Variants in SPEF2 observed in about 807,000 individuals in gnomAD.
The protein encoded by SPEF2 is sperm flagella and cilia-associated protein 2.
SPEF2 carries 187 observed loss-of-function variants against 224.6 expected under a neutral mutation model. The ratio of observed to expected loss-of-function variants is 0.83; its 90% CI spans 0.74 to 0.94. The LOEUF (loss-of-function observed/expected upper bound fraction) is 0.94. Among genes scored for constraint, SPEF2 ranks in the 40% least tolerant of loss-of-function variants. SPEF2 has a pLI of 0.00. For missense variants in SPEF2, 2,170 were observed against 2,135.6 expected, an observed-to-expected ratio of 1.02 and a Z score of -0.32; for synonymous variants, 715 against 707.3, an observed-to-expected ratio of 1.01 and a Z score of -0.17.
At chr5:35,730,598 A>C (rs571898214) in intron 21 of SPEF2, among the ~76,000 whole-genome samples, 1 of 152,336 alleles carries the variant, frequency 6.6e-6, no homozygotes, top group African/African-American at 2.4e-5. Flanking sequence ...TGACAATTTC[A>C]ACGTTCAAAA....
intron 23 of SPEF2, among the ~76,000 whole-genome samples, chr5:35,752,804 A>G (rs980608211): frequency 6.6e-6 from 1 of 151,894 alleles, no homozygotes; most frequent in African/African-American, 2.4e-5. Context: ...TAATAATACT[A>G]CCTAGCTTAA....
intron 10 of SPEF2, among the ~76,000 whole-genome samples, chr5:35,676,526 C>T (rs948627551): frequency 4.6e-5 from 7 of 151,984 alleles, no homozygotes; most frequent in African/African-American, 1.7e-4. Flanking sequence ...GTCAGGAGTT[C>T]GAGACCAGCC....
At chr5:35,697,844 C>A in intron 15 of SPEF2, 51 bp downstream of exon 15, 2 of 1,309,266 alleles carry the variant, frequency 1.5e-6, no homozygotes, top group Non-Finnish European at 2.2e-6. Flanking sequence ...TTCTTTATCA[C>A]ACAAAGATGT....
In SPEF2 at chr5:35,709,110, A is replaced by G. The variant is rs756550654; in HGVS notation, c.2828A>G (p.Lys943Arg). ...VASKTPTAKG[K>R]PQSEAPHGKQ... is the part of the protein sequence containing the mutation. Reference sequence around the variant, plus strand: ...TCAAAAACTCCTACTGCAAAAGGAAAACCTCAATCAGGTGATTGACAGAAT... The same window carrying G: ...TCAAAAACTCCTACTGCAAAAGGAAGACCTCAATCAGGTGATTGACAGAAT... Residue 943 changes from lysine (K) to arginine (R), a missense_variant, in exon 19 of 37, where the codon AAA becomes AGA. Coordinates refer to ENST00000356031, the MANE Select transcript of SPEF2 (RefSeq NM_024867.4). 111 of 1,611,802 alleles carry G rather than the reference A, an allele frequency of 6.9e-5. No homozygotes were observed. The highest frequency in any genetic ancestry group is 8.9e-5 in the Non-Finnish European group (105 of 1,179,604).
chr5:35,673,240 T>G (rs1468932932), intron 10 of SPEF2, among the ~76,000 whole-genome samples: 1 of 152,168 alleles, frequency 6.6e-6, no homozygotes, highest in Non-Finnish European at 1.5e-5. Flanking sequence ...CTGGTTCCTG[T>G]AGTGCAGCTG....
Position 35,792,409 on chromosome 5 carries a change from A to G in SPEF2, c.4517A>G (p.Asn1506Ser), listed in dbSNP as rs769123567. The change falls in exon 31 of 37, where the codon AAC (asparagine) becomes AGC (serine). Residue 1506 changes from asparagine to serine, a missense_variant. Coordinates refer to ENST00000356031, the MANE Select transcript of SPEF2 (RefSeq NM_024867.4). ...DLVTLNLGTN[N>S]FPSNWMHLTQ... ...GTGACCCTGAACCTTGGCACAAACA[A>G]CTTTCCTAGTAATTGGATGCACCTT... 1.9e-6 allele frequency: 3 copies of G among 1,613,686 alleles called. No homozygotes were observed. The African/African-American group carries it at 4.0e-5, about 22-fold the overall frequency.
chr5:35,739,681 C>T lies in SPEF2; in HGVS notation c.3064-238C>T, dbSNP rs898184312. Among the ~76,000 whole-genome samples the T allele has an allele frequency of 4.3e-4, 65 of 152,062 alleles. 1 individual carries two copies. Among genetic ancestry groups the T allele is most frequent in the Admixed American group, 4.3e-3 (65 of 15,256 alleles). ...CAGGCATGAGCCACCACCACGACCG[C>T]CCGCCCCCAATTTCTGGAATAAATA... On this transcript the variant is annotated intron_variant, in intron 21 of 36. Transcript: ENST00000356031.
At chr5:35,734,380 C>A (rs1184867551) in intron 21 of SPEF2, among the ~76,000 whole-genome samples, 1 of 152,144 alleles carries the variant, frequency 6.6e-6, no homozygotes, top group African/African-American at 2.4e-5. Context: ...TTTGGCTTCC[C>A]CGGGCCACAA....
In SPEF2 at chr5:35,788,090, G is replaced by A. The variant is rs1424004047; in HGVS notation, c.4448-4250G>A. The A allele has an allele frequency of 2.6e-5, 18 of 702,792 alleles. No individual in the cohort carries two copies. The South Asian group carries it at 2.7e-4, about 10-fold the overall frequency. 43.5% of individuals were successfully genotyped at this position (702,792 alleles called of 1,614,324 possible). On this transcript the variant is annotated intron_variant, in intron 30 of 36. Coordinates refer to ENST00000356031, the MANE Select transcript of SPEF2 (RefSeq NM_024867.4). ...TCAAGTGAATTTTTTTTATGGTACT[G>A]ACAACTTTAGGACTGAATTTCTCAA... is the stretch of plus-strand genomic sequence containing the variant.
intron 16 of SPEF2, among the ~76,000 whole-genome samples, chr5:35,703,211 T>A (rs1739046088): frequency 6.6e-6 from 1 of 152,086 alleles, no homozygotes; most frequent in African/African-American, 2.4e-5. Context: ...GAATAAAGGT[T>A]GTGTATTTTT....
intron 16 of SPEF2, among the ~76,000 whole-genome samples, chr5:35,701,605 G>T (rs930394847): frequency 1.3e-5 from 2 of 152,140 alleles, no homozygotes; most frequent in African/African-American, 4.8e-5. Context: ...TTCTATAGGG[G>T]TCTGTGCCTC....
chr5:35,779,296 T>A lies in SPEF2; in HGVS notation c.4397T>A (p.Ile1466Asn). 1 of 1,613,794 alleles carries A rather than the reference T, an allele frequency of 6.2e-7. No individual in the cohort carries two copies. Among genetic ancestry groups the A allele is most frequent in the Middle Eastern group, 1.7e-4 (1 of 6,058 alleles). ...VEKEEDGTLT[I>N]EQLDSLRDQF... is the part of the protein sequence containing the mutation. ...AAGGAAGAAGATGGTACCCTGACCATTGAACAGCTTGACAGTCTTCGAGAT... is the reference window on the plus strand; with the variant it reads ...AAGGAAGAAGATGGTACCCTGACCAATGAACAGCTTGACAGTCTTCGAGAT... Residue 1466 changes from isoleucine (I) to asparagine (N), a missense_variant, in exon 30 of 37, where the codon ATT (isoleucine) becomes AAT (asparagine). Transcript: ENST00000356031.
intron 20 of SPEF2, among the ~76,000 whole-genome samples, chr5:35,727,351 G>A (rs1332750537): frequency 1.3e-5 from 2 of 152,186 alleles, no homozygotes; most frequent in African/African-American, 4.8e-5. Flanking sequence ...TTTTGAAATA[G>A]TAAGTGGAAT....
chr5:35,692,343 G>A (rs1464133271), intron 11 of SPEF2, among the ~76,000 whole-genome samples: 13 of 151,974 alleles, frequency 8.6e-5, no homozygotes, highest in African/African-American at 2.2e-4. Context: ...CCCAGGAGAC[G>A]GAGGTTGCAG....
At chr5:35,745,490 G>T (rs1748357741) in intron 23 of SPEF2, among the ~76,000 whole-genome samples, 1 of 152,064 alleles carries the variant, frequency 6.6e-6, no homozygotes, top group African/African-American at 2.4e-5. Flanking sequence ...GGCCCGGTGG[G>T]AGTGAGACCG....
chr5:35,772,477 A>G (rs557971212), intron 27 of SPEF2, among the ~76,000 whole-genome samples: 6 of 152,334 alleles, frequency 3.9e-5, no homozygotes, highest in Non-Finnish European at 8.8e-5. Context: ...AGAGAGAGAC[A>G]TGTGACCATT....
At chr5:35,619,122 CTCTT>C (rs1019152938) in intron 1 of SPEF2, among the ~76,000 whole-genome samples, 4 of 151,930 alleles carry the variant, frequency 2.6e-5, no homozygotes, top group Non-Finnish European at 5.9e-5. Context: ...AAACCTCAGA[CTCTT>C]TCTTTGTCAA....
chr5:35,711,195 A>T (rs1325743836), intron 19 of SPEF2, among the ~76,000 whole-genome samples: 2 of 152,216 alleles, frequency 1.3e-5, no homozygotes, highest in African/African-American at 4.8e-5. Flanking sequence ...TGAGATGAAA[A>T]GAGGAATTAT....
chr5:35,679,937 A>G (rs1033294262), intron 10 of SPEF2, among the ~76,000 whole-genome samples: 3 of 152,178 alleles, frequency 2.0e-5, no homozygotes, highest in Non-Finnish European at 4.4e-5. Context: ...GAATATAGTC[A>G]ATGTTCTCAA....
Sources: gnomAD v4.1 joint callset for allele counts (sites outside exome capture counted in the v4.1 genomes callset) on GRCh38, gnomAD v4.1.1 for gene constraint, MANE v1.5 for transcripts, NCBI Gene and HGNC (gene_info 2026-07-23, HGNC 2026-07-21) for gene names.